The following ZNF503 variants were observed in gnomAD, a reference collection of about 807,000 sequenced individuals.
ZNF503 encodes the protein zinc finger protein 503.
In ZNF503, 15 loss-of-function variants were observed where a neutral mutation model predicts 34.4. The observed-to-expected ratio is 0.44, with a 90% CI of 0.29 to 0.67. The LOEUF (loss-of-function observed/expected upper bound fraction) is 0.67, where lower values mean the gene tolerates loss of function less well. Among genes scored for constraint, ZNF503 ranks in the 30% least tolerant of loss-of-function variants. ZNF503 has a pLI of 0.13. For synonymous variants in ZNF503, 580 were observed against 456.8 expected (o/e 1.27, Z -3.44); for missense variants, 1,007 against 926.8 (o/e 1.09, Z -1.12).
chr10:75,284,874 A>G, the ZNF503 span, among the ~76,000 whole-genome samples: 1 of 152,250 alleles, frequency 6.6e-6, no homozygotes, highest in Non-Finnish European at 1.5e-5. Context: ...CTAAAGAAAT[A>G]CAAGTATTTA....
chr10:75,369,959 C>T, the ZNF503 span, among the ~76,000 whole-genome samples: 4 of 151,374 alleles, frequency 2.6e-5, no homozygotes, highest in African/African-American at 7.3e-5. Context: ...TCCAGCTACT[C>T]GGGAGGCTGA....
At chr10:75,304,543 A>T in the ZNF503 span, among the ~76,000 whole-genome samples, 3 of 152,336 alleles carry the variant, frequency 2.0e-5, no homozygotes, top group African/African-American at 7.2e-5. Flanking sequence ...TATGTCCACC[A>T]GTTGGGCTGG....
At chr10:75,332,730 G>A in the ZNF503 span, among the ~76,000 whole-genome samples, 181 of 147,614 alleles carry the variant, frequency 1.2e-3, no homozygotes, top group Non-Finnish European at 2.1e-3. Context: ...ATCTTGCACC[G>A]CCCTTAATCC....
the ZNF503 span, chr10:75,283,767 C>T: frequency 6.6e-6 from 1 of 152,248 alleles, no homozygotes; most frequent in African/African-American, 2.4e-5. Context: ...CTAATGCAGT[C>T]GGCTGGGATC....
At chr10:75,291,942 G>T in the ZNF503 span, among the ~76,000 whole-genome samples, 1 of 152,222 alleles carries the variant, frequency 6.6e-6, no homozygotes, top group African/African-American at 2.4e-5. Context: ...TGTGAGGACT[G>T]CCAGACACTT....
the ZNF503 span, among the ~76,000 whole-genome samples, chr10:75,355,900 G>A: frequency 1.3e-5 from 2 of 152,216 alleles, no homozygotes; most frequent in Non-Finnish European, 2.9e-5. Flanking sequence ...GGCATCATCA[G>A]AAGGCTTGTT....
the ZNF503 span, among the ~76,000 whole-genome samples, chr10:75,300,369 G>T: frequency 6.6e-6 from 1 of 152,232 alleles, no homozygotes; most frequent in East Asian, 1.9e-4. Context: ...TCTACAATTT[G>T]TGCAGTTAAC....
the ZNF503 span, among the ~76,000 whole-genome samples, chr10:75,306,633 A>G: frequency 1.3e-5 from 2 of 152,124 alleles, no homozygotes; most frequent in Admixed American, 6.6e-5. Flanking sequence ...TTTTTTACAA[A>G]TTGAAAATTT....
At chr10:75,305,031 G>A in the ZNF503 span, among the ~76,000 whole-genome samples, 1 of 152,084 alleles carries the variant, frequency 6.6e-6, no homozygotes, top group Admixed American at 6.6e-5. Flanking sequence ...AACTGAAAAT[G>A]TGTAAGATTA....
the ZNF503 span, among the ~76,000 whole-genome samples, chr10:75,360,467 A>C: frequency 6.6e-6 from 1 of 151,806 alleles, no homozygotes; most frequent in African/African-American, 2.4e-5. Flanking sequence ...TGCGACTCTG[A>C]GAGTGGGTGC....
At chr10:75,313,816 C>G in the ZNF503 span, among the ~76,000 whole-genome samples, 2 of 152,268 alleles carry the variant, frequency 1.3e-5, no homozygotes, top group South Asian at 4.2e-4. Flanking sequence ...GGGCACTGAC[C>G]TAAGGAAAAC....
At chr10:75,303,593 T>C in the ZNF503 span, among the ~76,000 whole-genome samples, 8 of 152,252 alleles carry the variant, frequency 5.3e-5, no homozygotes, top group Admixed American at 5.2e-4. Context: ...CACTTGTGTC[T>C]GTCTGGAGTG....
chr10:75,307,200 C>T, the ZNF503 span, among the ~76,000 whole-genome samples: 1 of 152,120 alleles, frequency 6.6e-6, no homozygotes, highest in Non-Finnish European at 1.5e-5. Flanking sequence ...GCTGTAAATA[C>T]AAAAGAAAAG....
the ZNF503 span, among the ~76,000 whole-genome samples, chr10:75,290,720 A>G: frequency 3.3e-5 from 5 of 152,236 alleles, no homozygotes; most frequent in Non-Finnish European, 5.9e-5. Context: ...AAACTTAGGA[A>G]GATGAGAGGA....
the ZNF503 span, chr10:75,283,449 G>C: frequency 2.0e-5 from 3 of 152,302 alleles, no homozygotes; most frequent in Non-Finnish European, 4.4e-5. Context: ...CAGGCCAGAA[G>C]GGAGGCCACA....
the ZNF503 span, among the ~76,000 whole-genome samples, chr10:75,353,085 T>G: frequency 1.3e-5 from 2 of 152,202 alleles, no homozygotes; most frequent in African/African-American, 4.8e-5. Context: ...AAGTCAAAAC[T>G]GCTGGTTAAA....
At chr10:75,368,667 C>T in the ZNF503 span, among the ~76,000 whole-genome samples, 1 of 152,208 alleles carries the variant, frequency 6.6e-6, no homozygotes, top group African/African-American at 2.4e-5. Flanking sequence ...CACAAACCCT[C>T]ATAGTTAAGG....
At chr10:75,281,102 G>A in the ZNF503 span, among the ~76,000 whole-genome samples, 2 of 152,074 alleles carry the variant, frequency 1.3e-5, no homozygotes, top group South Asian at 2.1e-4. Context: ...CTGAAAGGTC[G>A]CTCTCCTAAT....
At chr10:75,388,091 C>A in the ZNF503 span, among the ~76,000 whole-genome samples, 1 of 152,158 alleles carries the variant, frequency 6.6e-6, no homozygotes, top group Non-Finnish European at 1.5e-5. Context: ...TACACTCACC[C>A]TAAATACCCT....
Sources: allele counts gnomAD v4.1 joint callset (sites outside exome capture counted in the v4.1 genomes callset), GRCh38; gene constraint gnomAD v4.1.1; transcripts MANE v1.5; gene names NCBI Gene and HGNC (gene_info 2026-07-23, HGNC 2026-07-21).